Variants in TACR1 observed in about 807,000 individuals in gnomAD.
TACR1 encodes the protein tachykinin receptor 1.
TACR1 carries 25 observed loss-of-function variants against 35.8 expected under a neutral mutation model. The observed-to-expected ratio is 0.70, with a 90% CI of 0.51 to 0.98. The LOEUF is 0.98. TACR1 is among the 50% of genes least tolerant of loss of function. The pLI, the probability that TACR1 is intolerant of heterozygous loss-of-function variation, is 0.00. For synonymous variants in TACR1, 195 were observed against 206.7 expected (o/e 0.94, Z 0.48); for missense variants, 478 against 522.9 (o/e 0.91, Z 0.84).
At chr2:75,087,653 T>A (rs1280739376) in intron 2 of TACR1, among the ~76,000 whole-genome samples, 1 of 152,190 alleles carries the variant, frequency 6.6e-6, no homozygotes, top group Non-Finnish European at 1.5e-5. Context: ...ATCTCCACAT[T>A]GTCAGTGACT....
At chr2:75,097,237 G>GT (rs533080344) in intron 2 of TACR1, among the ~76,000 whole-genome samples, 9 of 151,776 alleles carry the variant, frequency 5.9e-5, no homozygotes, top group African/African-American at 9.7e-5. Flanking sequence ...ATAGCGAAGT[G>GT]TTTTTTTTCA....
chr2:75,158,332 T>G (rs763910834), intron 1 of TACR1, among the ~76,000 whole-genome samples: 3 of 152,364 alleles, frequency 2.0e-5, no homozygotes, highest in Middle Eastern at 3.4e-3. Context: ...CCTTGCTCTC[T>G]GCCTTTTTCC....
At chr2:75,170,531 T>C (rs770350705) in intron 1 of TACR1, among the ~76,000 whole-genome samples, 3 of 152,192 alleles carry the variant, frequency 2.0e-5, no homozygotes, top group Admixed American at 2.0e-4. Context: ...ACTTTGGAAC[T>C]GGGTAACAGG....
intron 1 of TACR1, among the ~76,000 whole-genome samples, chr2:75,165,545 T>C (rs1675119425): frequency 6.6e-6 from 1 of 152,026 alleles, no homozygotes; most frequent in Admixed American, 6.5e-5. Context: ...CCTGACCTCG[T>C]GATGCCCCTG....
chr2:75,088,540 A>G (rs1462038422), intron 2 of TACR1, among the ~76,000 whole-genome samples: 1 of 152,202 alleles, frequency 6.6e-6, no homozygotes, highest in Admixed American at 6.5e-5. Flanking sequence ...TCCCAGGGTT[A>G]GAGACTCAAT....
intron 1 of TACR1, among the ~76,000 whole-genome samples, chr2:75,134,042 C>A (rs2103934691): frequency 6.6e-6 from 1 of 152,294 alleles, no homozygotes; most frequent in South Asian, 2.1e-4. Flanking sequence ...AATGCCATGG[C>A]AACATCAGGA....
At chr2:75,116,259 A>G (rs2103898174) in intron 2 of TACR1, among the ~76,000 whole-genome samples, 1 of 152,092 alleles carries the variant, frequency 6.6e-6, no homozygotes, top group East Asian at 1.9e-4. Context: ...TCAGCTTGCC[A>G]CCACGCAGAG....
intron 2 of TACR1, among the ~76,000 whole-genome samples, chr2:75,103,768 A>G (rs137963975): frequency 6.6e-6 from 1 of 152,220 alleles, no homozygotes; most frequent in East Asian, 1.9e-4. Context: ...TAATTTTAGT[A>G]TTTGTGGAGA....
In TACR1 at chr2:75,191,489, G is replaced by A. The variant is rs138396540; in HGVS notation, c.389+7057C>T. ...GCTTGGGTAGACGGGAGGTAAGATG[G>A]TAATGATAAGCACCTCCTCCAATCG... On this transcript the variant is annotated intron_variant, in intron 1 of 4. Coordinates refer to ENST00000305249, the MANE Select transcript of TACR1 (RefSeq NM_001058.4). 7.7e-3 allele frequency among the ~76,000 whole-genome samples: 1,165 copies of A among 152,160 alleles called. 18 individuals are homozygous for A. Among genetic ancestry groups the A allele is most frequent in the African/African-American group, 0.025 (1,046 of 41,484 alleles).
intron 1 of TACR1, among the ~76,000 whole-genome samples, chr2:75,131,393 T>G (rs953751769): frequency 2.0e-5 from 3 of 152,154 alleles, no homozygotes; most frequent in Non-Finnish European, 4.4e-5. Context: ...CTGCCAATAA[T>G]GAGCCAATTC....
chr2:75,056,717 A>T (rs1672575587), intron 2 of TACR1, among the ~76,000 whole-genome samples: 1 of 152,250 alleles, frequency 6.6e-6, no homozygotes, highest in Non-Finnish European at 1.5e-5. Context: ...ATAAATACGT[A>T]AACATAATTT....
At chr2:75,108,813 C>T (rs1673698826) in intron 2 of TACR1, among the ~76,000 whole-genome samples, 1 of 152,028 alleles carries the variant, frequency 6.6e-6, no homozygotes, top group East Asian at 1.9e-4. Context: ...GATGTATCAC[C>T]AGCTGGAAAA....
intron 1 of TACR1, among the ~76,000 whole-genome samples, chr2:75,128,611 G>A (rs184595293): frequency 6.6e-6 from 1 of 152,304 alleles, no homozygotes; most frequent in East Asian, 1.9e-4. Flanking sequence ...GGGTGGGACT[G>A]GGGTTGGGAG....
chr2:75,099,605 C>T (rs756252781), intron 2 of TACR1, among the ~76,000 whole-genome samples: 7 of 152,196 alleles, frequency 4.6e-5, no homozygotes, highest in Non-Finnish European at 7.3e-5. Context: ...CCCACAGCTG[C>T]CCCAGAGGCT....
intron 2 of TACR1, among the ~76,000 whole-genome samples, chr2:75,073,204 A>G (rs919044279): frequency 2.0e-5 from 3 of 152,190 alleles, no homozygotes; most frequent in Non-Finnish European, 4.4e-5. Context: ...CCTACTCACA[A>G]TCACCCTGAT....
intron 1 of TACR1, chr2:75,190,096 G>C (rs761501433): frequency 6.6e-6 from 1 of 152,150 alleles, no homozygotes; most frequent in Non-Finnish European, 1.5e-5. Flanking sequence ...AAACTTCCAT[G>C]ATTTATAAAA....
chr2:75,176,812 A>T (rs1675431491), intron 1 of TACR1, among the ~76,000 whole-genome samples: 1 of 152,106 alleles, frequency 6.6e-6, no homozygotes, highest in South Asian at 2.1e-4. Context: ...ATCATTCCTT[A>T]CTTCCCTGAC....
chr2:75,051,231 C>T lies in TACR1; in HGVS notation c.932+20G>A. 1 of 1,614,048 alleles carries T rather than the reference C, an allele frequency of 6.2e-7. No individual in the cohort carries two copies. Among genetic ancestry groups the T allele is most frequent in the Non-Finnish European group, 8.5e-7 (1 of 1,180,010 alleles). On this transcript the variant is annotated intron_variant, in intron 4 of 4. Transcript: ENST00000305249. ...ATGGTCTTGTGGCCCCTGGAGAGCTCATGGGGTTGGGATCCTCACCTGTCA... is the reference window on the plus strand; with the variant it reads ...ATGGTCTTGTGGCCCCTGGAGAGCTTATGGGGTTGGGATCCTCACCTGTCA...
intron 1 of TACR1, among the ~76,000 whole-genome samples, chr2:75,192,004 G>A (rs1675859015): frequency 6.6e-6 from 1 of 152,048 alleles, no homozygotes; most frequent in African/African-American, 2.4e-5. Flanking sequence ...TAAATGCTGT[G>A]GAAATATAAG....
Sources: allele counts gnomAD v4.1 joint callset (sites outside exome capture counted in the v4.1 genomes callset), GRCh38; gene constraint gnomAD v4.1.1; transcripts MANE v1.5; gene names NCBI Gene and HGNC (gene_info 2026-07-23, HGNC 2026-07-21).